The following NTRK2 variants were observed in gnomAD, a reference collection of about 807,000 sequenced individuals.
NTRK2 encodes the protein neurotrophic receptor tyrosine kinase 2.
In NTRK2, 13 loss-of-function variants were observed where a neutral mutation model predicts 94.5. The ratio of observed to expected loss-of-function variants is 0.14; its 90% CI spans 0.09 to 0.22. The LOEUF is 0.22. NTRK2 is among the 10% of genes least tolerant of loss of function. The probability of loss-of-function intolerance (pLI) is 1.00; values close to 1 mark genes in which losing one functional copy is unlikely to be tolerated. For missense variants in NTRK2, 639 were observed against 1,071.2 expected, an observed-to-expected ratio of 0.60 and a Z score of 5.63; for synonymous variants, 372 against 407.4, an observed-to-expected ratio of 0.91 and a Z score of 1.05.
At chr9:84,998,535 A>G (rs1313300062) in intron 17 of NTRK2, among the ~76,000 whole-genome samples, 4 of 152,204 alleles carry the variant, frequency 2.6e-5, no homozygotes, top group African/African-American at 9.6e-5. Flanking sequence ...AACGACTGTA[A>G]AAGGCATACA....
At chr9:84,669,341 A>G (rs1019303288), upstream of NTRK2, 4 of 152,698 alleles carry the variant, frequency 2.6e-5, no homozygotes, top group Non-Finnish European at 5.9e-5. The surrounding 1 kb of genome is among the most constrained non-coding windows in gnomAD (Gnocchi z 4.1). Context: ...AAAGGGAGAC[A>G]GCCTCTACCG....
chr9:84,977,258 G>A (rs374397657), intron 17 of NTRK2, among the ~76,000 whole-genome samples: 39 of 142,776 alleles, frequency 2.7e-4, no homozygotes, highest in African/African-American at 1.0e-3. Context: ...TCTGAATAAA[G>A]TGTATCTAAT....
chr9:84,750,401 A>C (rs143574644), intron 11 of NTRK2, among the ~76,000 whole-genome samples: 1 of 152,206 alleles, frequency 6.6e-6, no homozygotes, highest in Non-Finnish European at 1.5e-5. Context: ...GTATCCTACA[A>C]AGAGAAACAC....
At chr9:84,932,256 TAC>T (rs967343299) in intron 14 of NTRK2, among the ~76,000 whole-genome samples, 2 of 152,180 alleles carry the variant, frequency 1.3e-5, no homozygotes, top group African/African-American at 4.8e-5. Flanking sequence ...TAATTCATAC[TAC>T]ACACACAATA....
At chr9:84,961,923 G>A (rs1824986616) in intron 17 of NTRK2, among the ~76,000 whole-genome samples, 1 of 152,196 alleles carries the variant, frequency 6.6e-6, no homozygotes, top group Non-Finnish European at 1.5e-5. Flanking sequence ...TAGAGAGGAA[G>A]ACAGAAAGTA....
chr9:84,869,718 G>A (rs1007005452), intron 14 of NTRK2, among the ~76,000 whole-genome samples: 6 of 152,072 alleles, frequency 3.9e-5, no homozygotes, highest in African/African-American at 7.2e-5. Flanking sequence ...AGCACAGGAC[G>A]TGGTGTACCT....
At chr9:84,798,912 C>CTATATATATATATATATATATATATA (rs57167822) in intron 12 of NTRK2, among the ~76,000 whole-genome samples, 23 of 128,024 alleles carry the variant, frequency 1.8e-4, no homozygotes, top group African/African-American at 2.8e-4. Context: ...CTTCTAAGTG[C>CTATATATATATATATATATATATATA]TATATATATA....
At chr9:84,970,884 C>G (rs920394974) in intron 17 of NTRK2, among the ~76,000 whole-genome samples, 6 of 152,202 alleles carry the variant, frequency 3.9e-5, no homozygotes, top group Non-Finnish European at 8.8e-5. Flanking sequence ...TAGCCTGGAA[C>G]AAAGGTCAAG....
chr9:84,846,883 C>T (rs762822438), intron 12 of NTRK2, among the ~76,000 whole-genome samples: 1 of 152,200 alleles, frequency 6.6e-6, no homozygotes, highest in Non-Finnish European at 1.5e-5. Flanking sequence ...GCTGCAAATG[C>T]TCATTTCTTC....
intron 14 of NTRK2, among the ~76,000 whole-genome samples, chr9:84,921,160 C>G (rs1370222636): frequency 6.6e-6 from 1 of 152,166 alleles, no homozygotes; most frequent in African/African-American, 2.4e-5. Context: ...AGTATCTTCA[C>G]CAGGACCCCA....
chr9:84,685,575 G>A (rs372744464), intron 2 of NTRK2, among the ~76,000 whole-genome samples: 27 of 152,090 alleles, frequency 1.8e-4, no homozygotes, highest in African/African-American at 5.8e-4. Flanking sequence ...TGAAAGCCCC[G>A]TGTCCTCAAA....
chr9:84,678,674 T>G (rs2059208232), intron 2 of NTRK2, among the ~76,000 whole-genome samples: 2 of 152,084 alleles, frequency 1.3e-5, no homozygotes, highest in African/African-American at 4.8e-5. Flanking sequence ...GCCCCTAGAT[T>G]CCCTGGTAAG....
intron 12 of NTRK2, among the ~76,000 whole-genome samples, chr9:84,823,601 G>A (rs2072991286): frequency 6.6e-6 from 1 of 152,232 alleles, no homozygotes; most frequent in African/African-American, 2.4e-5. Context: ...TGGGGTGGAG[G>A]AGAATGCCCC....
chr9:84,797,584 TAC>T (rs1418504584), intron 12 of NTRK2, among the ~76,000 whole-genome samples: 32 of 92,326 alleles, frequency 3.5e-4, no homozygotes, highest in African/African-American at 1.4e-3. Flanking sequence ...ATATTATATA[TAC>T]TATATATACT....
intron 12 of NTRK2, chr9:84,815,026 A>G (rs1478518740): frequency 1.1e-5 from 12 of 1,059,048 alleles, no homozygotes; most frequent in Non-Finnish European, 1.3e-5. Context: ...ATTTGCTGCC[A>G]GGTGCTGCCA....
intron 17 of NTRK2, among the ~76,000 whole-genome samples, chr9:85,014,042 T>G (rs1459715409): frequency 6.6e-6 from 1 of 152,170 alleles, no homozygotes; most frequent in Non-Finnish European, 1.5e-5. Context: ...AATGTGCCTC[T>G]CAGAAGCACA....
chr9:85,013,449 C>A (rs567392012), intron 17 of NTRK2, among the ~76,000 whole-genome samples: 3 of 152,054 alleles, frequency 2.0e-5, no homozygotes, highest in African/African-American at 7.2e-5. Flanking sequence ...ATTACAGGTG[C>A]GTGACACCAC....
intron 15 of NTRK2, among the ~76,000 whole-genome samples, chr9:84,942,354 G>T (rs1281098158): frequency 1.3e-5 from 2 of 152,220 alleles, no homozygotes; most frequent in Non-Finnish European, 2.9e-5. Context: ...GTCGTTAGAA[G>T]TTCATGCAGC....
intron 17 of NTRK2, among the ~76,000 whole-genome samples, chr9:84,960,965 A>G (rs1824847237): frequency 6.6e-6 from 1 of 152,164 alleles, no homozygotes; most frequent in Non-Finnish European, 1.5e-5. Context: ...CAGGTGAATA[A>G]ATAAGGTACT....
Sources: allele counts gnomAD v4.1 joint callset (sites outside exome capture counted in the v4.1 genomes callset), GRCh38; gene constraint gnomAD v4.1.1; non-coding constraint Gnocchi (gnomAD v3.1); transcripts MANE v1.5; gene names NCBI Gene and HGNC (gene_info 2026-07-23, HGNC 2026-07-21).